GAD2: variants seen among roughly 807,000 people sequenced by gnomAD.
GAD2 encodes the protein 65 kDa glutamic acid decarboxylase.
GAD2 carries 22 observed loss-of-function variants against 80.1 expected under a neutral mutation model. The observed-to-expected ratio is 0.27, with a 90% CI of 0.20 to 0.39. GAD2 has a LOEUF of 0.39. GAD2 is among the 10% of genes least tolerant of loss of function. The pLI is 1.00. For synonymous variants in GAD2, 274 were observed against 256.9 expected, an observed-to-expected ratio of 1.07 and a Z score of -0.64; for missense variants, 624 against 738.4, an observed-to-expected ratio of 0.85 and a Z score of 1.80.
chr10:26,277,709 AG>A (rs903564154), intron 11 of GAD2, among the ~76,000 whole-genome samples: 1 of 152,184 alleles, frequency 6.6e-6, no homozygotes, highest in African/African-American at 2.4e-5. Flanking sequence ...GGCGGTATAG[AG>A]ACGGGGAAGA....
intron 4 of GAD2, among the ~76,000 whole-genome samples, 185 bp from the exon 5 acceptor site, chr10:26,223,702 T>TGC (rs1844482461): frequency 6.7e-6 from 1 of 149,694 alleles, no homozygotes; most frequent in African/African-American, 2.5e-5. Context: ...TGTGTGTGTG[T>TGC]ATGTGCATGT....
intron 7 of GAD2, among the ~76,000 whole-genome samples, chr10:26,230,890 C>A (rs1017078030): frequency 6.6e-6 from 1 of 151,920 alleles, no homozygotes; most frequent in East Asian, 1.9e-4. Context: ...GAGTTCAAGA[C>A]CAGCCTGACC....
In GAD2 at chr10:26,217,034, G is replaced by A. The variant is rs1471042765; in HGVS notation, c.76+149G>A. The stretch of plus-strand genomic sequence containing the variant: ...CTGCTTTTGGGCTAAGTCCTTGACG[G>A]CCCAAGAGCTCAAGACCTCTACAGC... On this transcript the variant is annotated intron_variant, in intron 1 of 15. Coordinates refer to ENST00000376261, the MANE Select transcript of GAD2 (RefSeq NM_001134366.2). This position sits in a 1 kb window ranked among gnomAD's most constrained non-coding sequence, Gnocchi z 4.9. 2.2e-5 allele frequency: 14 copies of A among 642,204 alleles called. No individual in the cohort carries two copies. The Admixed American group carries it at 3.4e-4, about 16-fold the overall frequency. 39.8% of individuals were successfully genotyped at this position (642,204 alleles called of 1,614,324 possible). A position where few individuals can be genotyped will look rare whatever the true frequency, so the allele number is the denominator to read the frequency against.
intron 7 of GAD2, among the ~76,000 whole-genome samples, chr10:26,244,583 A>G (rs1238838639): frequency 6.6e-6 from 1 of 152,098 alleles, no homozygotes; most frequent in Non-Finnish European, 1.5e-5. Context: ...ACATGCTACA[A>G]CATGGATGAA....
At chr10:26,300,687 C>G (rs1834319717) in intron 15 of GAD2, 101 bp from the exon 16 acceptor site, 5 of 1,026,820 alleles carry the variant, frequency 4.9e-6, no homozygotes, top group African/African-American at 1.6e-5. Context: ...AAGGTTCTGA[C>G]TGTTGAGCTA....
At chr10:26,248,406 G>A (rs552712776) in intron 8 of GAD2, among the ~76,000 whole-genome samples, 3 of 152,178 alleles carry the variant, frequency 2.0e-5, no homozygotes, top group Non-Finnish European at 2.9e-5. Context: ...GCAAAGAAAG[G>A]TGGTCAGAGT....
intron 12 of GAD2, among the ~76,000 whole-genome samples, chr10:26,282,951 C>T (rs1564670672): frequency 6.6e-6 from 1 of 152,168 alleles, no homozygotes; most frequent in African/African-American, 2.4e-5. Flanking sequence ...TTATCATCTG[C>T]CCCAGCTCAT....
intron 8 of GAD2, among the ~76,000 whole-genome samples, chr10:26,247,444 G>C (rs1844822890): frequency 6.6e-6 from 1 of 152,090 alleles, no homozygotes; most frequent in Admixed American, 6.6e-5. Context: ...ATTTTCCCCA[G>C]CTCCTATTCA....
intron 8 of GAD2, among the ~76,000 whole-genome samples, chr10:26,266,546 C>T (rs1438031905): frequency 6.6e-6 from 1 of 152,182 alleles, no homozygotes; most frequent in Non-Finnish European, 1.5e-5. Flanking sequence ...TATCTACCAC[C>T]TGCCATATGT....
chr10:26,222,853 A>G (rs7074534), intron 4 of GAD2, among the ~76,000 whole-genome samples: 19,167 of 152,192 alleles, frequency 0.13, 4,018 homozygotes, highest in African/African-American at 0.44. Flanking sequence ...GATGAGAGAC[A>G]ATCACATCCC....
At chr10:26,276,717 T>A (rs1252486769) in intron 11 of GAD2, among the ~76,000 whole-genome samples, 5 of 152,154 alleles carry the variant, frequency 3.3e-5, no homozygotes, top group African/African-American at 1.2e-4. Flanking sequence ...GTCTTTAGTC[T>A]CTCCTGCCCA....
In GAD2 at chr10:26,254,463, C is replaced by T. The variant is rs8190682; in HGVS notation, c.920+8463C>T. Among the ~76,000 whole-genome samples the T allele has an allele frequency of 7.9e-3, 1,201 of 152,256 alleles. 20 individuals are homozygous for T. The highest frequency in any genetic ancestry group is 0.027 in the African/African-American group (1,128 of 41,548). On this transcript the variant is annotated intron_variant, in intron 8 of 15. Transcript: ENST00000376261. ...CAGGGCTCACCTCCTGCTGTGTGAC[C>T]GGTTCCTAACAGGTCACCATTAGTA...
At position 26,292,634 on chromosome 10, in the gene GAD2, A is replaced by G. The variant is rs8190785; in HGVS notation, c.1494+62A>G. On this transcript the variant is annotated intron_variant, in intron 14 of 15. Transcript: ENST00000376261. ...GTCAATTCCAACCCTCATCACTGATATGATGTAAATGATGTGCTGTCCAGG... is the reference window on the plus strand; with the variant it reads ...GTCAATTCCAACCCTCATCACTGATGTGATGTAAATGATGTGCTGTCCAGG... 2,137 of 1,177,142 alleles carry G rather than the reference A, an allele frequency of 1.8e-3. 29 individuals carry two copies. The African/African-American group carries it at 0.028, about 15-fold the overall frequency. The allele number at this position is 1,177,142 out of a possible 1,614,324, so 72.9% of individuals were successfully genotyped here.
At position 26,220,327 on chromosome 10, in the gene GAD2, T is replaced by C. The variant is rs564832822; in HGVS notation, c.520+1051T>C. ...TTCATCACCATAGAAACGTCATCTT[T>C]TTAGATTGCAAACATTTTGCTGATG... On this transcript the variant is annotated intron_variant, in intron 4 of 15. Coordinates refer to ENST00000376261, the MANE Select transcript of GAD2 (RefSeq NM_001134366.2). Among the ~76,000 whole-genome samples, 3 of 152,328 alleles carry C rather than the reference T, an allele frequency of 2.0e-5. No individual in the cohort carries two copies. The South Asian group carries it at 6.2e-4, about 32-fold the overall frequency.
At position 26,217,483 on chromosome 10, in the gene GAD2, C is replaced by G; in HGVS notation, c.77-127C>G. 1.0e-6 allele frequency: 1 copy of G among 975,044 alleles called. No homozygotes were observed. The highest frequency in any genetic ancestry group is 2.0e-5 in the Admixed American group (1 of 49,396). 60.4% of individuals were successfully genotyped at this position (975,044 alleles called of 1,614,324 possible). A position where few individuals can be genotyped will look rare whatever the true frequency, so the allele number is the denominator to read the frequency against. Reference sequence around the variant, plus strand: ...GCCGGCCTCACCGAGTCCTGAGCGGCCCCCAGGAGGAAGGCGGCCCCTCCT... The same window carrying G: ...GCCGGCCTCACCGAGTCCTGAGCGGGCCCCAGGAGGAAGGCGGCCCCTCCT... On this transcript the variant is annotated intron_variant, in intron 1 of 15. Transcript: ENST00000376261. This position sits in a 1 kb window ranked among gnomAD's most constrained non-coding sequence, Gnocchi z 4.9.
intron 7 of GAD2, among the ~76,000 whole-genome samples, chr10:26,236,796 T>A (rs1409568633): frequency 1.3e-5 from 2 of 152,170 alleles, no homozygotes; most frequent in Admixed American, 1.3e-4. Flanking sequence ...GGGCTAAATC[T>A]ATTTACCTTC....
intron 15 of GAD2, among the ~76,000 whole-genome samples, chr10:26,296,118 G>C (rs976212478): frequency 6.6e-6 from 1 of 152,006 alleles, no homozygotes; most frequent in Non-Finnish European, 1.5e-5. Context: ...TTCCTGGTTC[G>C]TCAATGGCCT....
intron 8 of GAD2, among the ~76,000 whole-genome samples, chr10:26,256,474 C>T (rs12414701): frequency 0.37 from 56,650 of 151,976 alleles, 12,255 homozygotes; most frequent in African/African-American, 0.61. Context: ...TTATAGCTAT[C>T]TTTCCCAGTC....
At chr10:26,247,108 C>T (rs1476618723) in intron 8 of GAD2, among the ~76,000 whole-genome samples, 1 of 152,222 alleles carries the variant, frequency 6.6e-6, no homozygotes, top group African/African-American at 2.4e-5. Flanking sequence ...ATGGCTACTT[C>T]ATAGACAGAG....
Sources: allele counts gnomAD v4.1 joint callset (sites outside exome capture counted in the v4.1 genomes callset), GRCh38; gene constraint gnomAD v4.1.1; non-coding constraint Gnocchi (gnomAD v3.1); transcripts MANE v1.5; gene names NCBI Gene and HGNC (gene_info 2026-07-23, HGNC 2026-07-21).